Variants in MFNG observed in about 807,000 individuals in gnomAD.
The protein encoded by MFNG is beta-1,3-N-acetylglucosaminyltransferase manic fringe.
A neutral mutation model predicts 34.2 loss-of-function variants in MFNG; 24 were observed. That is an observed-to-expected ratio of 0.70 (90% CI 0.51 to 0.99). The LOEUF is 0.99. Ranked by LOEUF, MFNG falls within the 50% of genes least tolerant of loss-of-function variation. MFNG has a pLI of 0.00. For missense variants in MFNG, 383 were observed against 424.0 expected (o/e 0.90, Z 0.85); for synonymous variants, 158 against 179.2 (o/e 0.88, Z 0.94).
chr22:37,480,218 G>A lies in MFNG; in HGVS notation c.386C>T (p.Thr129Ile). 2 of 1,611,426 alleles carry A rather than the reference G, an allele frequency of 1.2e-6. No individual in the cohort carries two copies. Among genetic ancestry groups the A allele is most frequent in the Non-Finnish European group, 1.7e-6 (2 of 1,177,828 alleles). The change falls in exon 3 of 8, where the codon ACC becomes ATC. Residue 129 changes from threonine (T) to isoleucine (I), a missense_variant. By Grantham distance (89) the Thr-to-Ile change is moderately conservative (BLOSUM62 -1). Coordinates refer to ENST00000356998, the MANE Select transcript of MFNG (RefSeq NM_002405.4). ...LSCKMAAEFD[T>I]FLASGLRWFC... ...TCGCCTAAGCCCACTGGCCAAGAAGGTGTCGAACTCAGCAGCCATCTTGCA... is the reference window on the plus strand; with the variant it reads ...TCGCCTAAGCCCACTGGCCAAGAAGATGTCGAACTCAGCAGCCATCTTGCA...
Position 37,483,575 on chromosome 22 carries a change from G to A in MFNG, c.255+2348C>T, listed in dbSNP as rs1015198079. 1.3e-5 allele frequency among the ~76,000 whole-genome samples: 2 copies of A among 151,630 alleles called. No individual in the cohort carries two copies. Among genetic ancestry groups the A allele is most frequent in the South Asian group, 4.2e-4 (2 of 4,788 alleles). On this transcript the variant is annotated intron_variant, in intron 1 of 7. Transcript: ENST00000356998. The surrounding 1 kb of genome is among the most constrained non-coding windows in gnomAD (Gnocchi z 4.5). ...GCAGGTGGATCATTTGAGGCCAGGA[G>A]TTCAAGACCAGCCTGGCCAACATGG...
At position 37,483,705 on chromosome 22, in the gene MFNG, G is replaced by T. The variant is rs189360377; in HGVS notation, c.255+2218C>A. On this transcript the variant is annotated intron_variant, in intron 1 of 7. Transcript: ENST00000356998. This position sits in a 1 kb window ranked among gnomAD's most constrained non-coding sequence, Gnocchi z 4.5. ...TGAGGATCACTTGAAACCAGGAGGC[G>T]GAGGTTGCAGTGAGCCAGGATCGTG... Among the ~76,000 whole-genome samples the T allele has an allele frequency of 6.6e-6, 1 of 152,042 alleles. No individual in the cohort carries two copies. The highest frequency in any genetic ancestry group is 1.5e-5 in the Non-Finnish European group (1 of 68,024).
Position 37,486,222 on chromosome 22 carries a change from C to CCAGACAGGGAGGGGAAGCTGGT in MFNG, c.-67_-46dup. The CCAGACAGGGAGGGGAAGCTGGT allele has an allele frequency of 4.1e-6, 6 of 1,475,972 alleles. No individual in the cohort carries two copies. Among genetic ancestry groups the CCAGACAGGGAGGGGAAGCTGGT allele is most frequent in the Non-Finnish European group, 5.4e-6 (6 of 1,114,574 alleles). 91.4% of individuals were successfully genotyped at this position (1,475,972 alleles called of 1,614,324 possible). A position where few individuals can be genotyped will look rare whatever the true frequency, so the allele number is the denominator to read the frequency against. ...AGACAGCTCAGCCCCCAAATCCCAA[C>CCAGACAGGGAGGGGAAGCTGGT]CAGACAGGGAGGGGAAGCTGGTCAG... On this transcript the variant is annotated 5_prime_UTR_variant, in exon 1 of 8. An upstream open reading frame in the 5' UTR gains an earlier in-frame stop. Transcript: ENST00000356998.
rs1921714695 is a variant in MFNG, at chr22:37,469,611, A to G, written c.*352T>C. ...GAGACATTAGCCAGGGCCAACGGCC[A>G]GACCCCACCCAGAGGCCATGTCACT... On this transcript the variant is annotated 3_prime_UTR_variant, in exon 8 of 8. Coordinates refer to ENST00000356998, the MANE Select transcript of MFNG (RefSeq NM_002405.4). 1 of 386,234 alleles carries G rather than the reference A, an allele frequency of 2.6e-6. No individual in the cohort carries two copies. The highest frequency in any genetic ancestry group is 3.7e-5 in the Admixed American group (1 of 27,376). The allele number at this position is 386,234 out of a possible 1,614,324, so 23.9% of individuals were successfully genotyped here.
chr22:37,475,828 C>A (rs568136849), intron 5 of MFNG, among the ~76,000 whole-genome samples: 1 of 152,320 alleles, frequency 6.6e-6, no homozygotes, highest in East Asian at 1.9e-4. Context: ...TGGGGGCACC[C>A]CAGGCACACG....
chr22:37,480,279 T>A lies in MFNG; in HGVS notation c.325A>T (p.Asn109Tyr). ...GGGTGGCTGTGTTCCGCGGAGCAGT[T>A]GGTGACCACAAGGTGGGACCCTGGA... is the stretch of plus-strand genomic sequence containing the variant. ...ERLGSHLVVT[N>Y]CSAEHSHPAL... Residue 109 changes from asparagine to tyrosine, a missense_variant, in exon 3 of 8, where the codon AAC becomes TAC. Asn to Tyr is a moderately radical substitution (Grantham distance 143). Coordinates refer to ENST00000356998, the MANE Select transcript of MFNG (RefSeq NM_002405.4). The A allele has an allele frequency of 6.2e-7, 1 of 1,613,780 alleles. No individual in the cohort carries two copies. Among genetic ancestry groups the A allele is most frequent in the Non-Finnish European group, 8.5e-7 (1 of 1,179,714 alleles).
At position 37,474,688 on chromosome 22, in the gene MFNG, G is replaced by C. The variant is rs1248383467; in HGVS notation, c.648-11C>G. 1.3e-6 allele frequency: 2 copies of C among 1,582,984 alleles called. No individual in the cohort carries two copies. The highest frequency in any genetic ancestry group is 2.2e-5 in the East Asian group (1 of 44,476). ...ATGAAACGGGAGCCACTGAGGGACA[G>C]AGCCAGACTGCAGACGCTGGCCCAG... On this transcript the variant is annotated splice_polypyrimidine_tract_variant and intron_variant, in intron 5 of 7. Coordinates refer to ENST00000356998, the MANE Select transcript of MFNG (RefSeq NM_002405.4).
At chr22:37,470,217 A>T (rs1347710744) in intron 7 of MFNG, among the ~76,000 whole-genome samples, 188 bp from the exon 8 acceptor site, 3 of 152,206 alleles carry the variant, frequency 2.0e-5, no homozygotes, top group Admixed American at 2.0e-4. Context: ...ATTTAACAGC[A>T]TTCCTGGGCT....
In MFNG at chr22:37,486,194, C is replaced by T. The variant is rs1319514820; in HGVS notation, c.-17G>A. The T allele has an allele frequency of 1.3e-6, 2 of 1,527,360 alleles. No homozygotes were observed. The highest frequency in any genetic ancestry group is 8.8e-7 in the Non-Finnish European group (1 of 1,136,986). 94.6% of individuals were successfully genotyped at this position (1,527,360 alleles called of 1,614,324 possible). On this transcript the variant is annotated 5_prime_UTR_variant, in exon 1 of 8. Coordinates refer to ENST00000356998, the MANE Select transcript of MFNG (RefSeq NM_002405.4). ...GCACTGCATTGGTTGGCCCTGGGAC[C>T]CCAGACAGCTCAGCCCCCAAATCCC...
chr22:37,486,305 A>C lies in MFNG; in HGVS notation c.-128T>G. The C allele has an allele frequency of 9.0e-7, 1 of 1,113,170 alleles. No individual in the cohort carries two copies. Among genetic ancestry groups the C allele is most frequent in the Admixed American group, 3.1e-5 (1 of 32,780 alleles). The allele number at this position is 1,113,170 out of a possible 1,614,324, so 69.0% of individuals were successfully genotyped here. A position where few individuals can be genotyped will look rare whatever the true frequency, so the allele number is the denominator to read the frequency against. ...GGCATCAGGGGCTGGCAAGGAGGGA[A>C]GAGGTAGGAGCTGAGGCTCTGGACC... is the stretch of plus-strand genomic sequence containing the variant. On this transcript the variant is annotated 5_prime_UTR_variant, in exon 1 of 8. Coordinates refer to ENST00000356998, the MANE Select transcript of MFNG (RefSeq NM_002405.4).
intron 4 of MFNG, 52 bp from the exon 5 acceptor site, chr22:37,477,033 GA>G: frequency 1.3e-6 from 2 of 1,526,196 alleles, no homozygotes; most frequent in South Asian, 1.1e-5. Flanking sequence ...CAGTTGTGGG[GA>G]AAAGGGACAG....
chr22:37,483,257 T>C lies in MFNG; in HGVS notation c.256-2488A>G, dbSNP rs1335120798. Among the ~76,000 whole-genome samples, 1 of 152,092 alleles carries C rather than the reference T, an allele frequency of 6.6e-6. No homozygotes were observed. The highest frequency in any genetic ancestry group is 1.5e-5 in the Non-Finnish European group (1 of 68,024). ...CTTCCCTCCGGCCCACCCGGCCACCTAGTCCCCGCCACTGTCGTCACCTGC... is the reference window on the plus strand; with the variant it reads ...CTTCCCTCCGGCCCACCCGGCCACCCAGTCCCCGCCACTGTCGTCACCTGC... On this transcript the variant is annotated intron_variant, in intron 1 of 7. Transcript: ENST00000356998. The surrounding 1 kb of genome is among the most constrained non-coding windows in gnomAD (Gnocchi z 4.5).
intron 1 of MFNG, 196 bp from the exon 2 acceptor site, chr22:37,480,965 G>C (rs1246704803): frequency 6.6e-6 from 4 of 603,014 alleles, no homozygotes; most frequent in African/African-American, 5.6e-5. Flanking sequence ...ACAACTTCAG[G>C]GTGTACACAG....
intron 1 of MFNG, chr22:37,481,078 C>G (rs1922272791): frequency 2.3e-6 from 1 of 433,334 alleles, no homozygotes; most frequent in African/African-American, 2.0e-5. Context: ...TTCTATCACA[C>G]ACACACACAA....
Position 37,482,724 on chromosome 22 carries a change from A to G in MFNG, c.256-1955T>C, listed in dbSNP as rs1002401748. On this transcript the variant is annotated intron_variant, in intron 1 of 7. Transcript: ENST00000356998. This position sits in a 1 kb window ranked among gnomAD's most constrained non-coding sequence, Gnocchi z 4.1. ...ACCAGACGATGGCATCCTGGAGACCACAGGCTGGGTCCAATTTGTCTCCTT... is the reference window on the plus strand; with the variant it reads ...ACCAGACGATGGCATCCTGGAGACCGCAGGCTGGGTCCAATTTGTCTCCTT... Among the ~76,000 whole-genome samples, 3 of 152,140 alleles carry G rather than the reference A, an allele frequency of 2.0e-5. No homozygotes were observed. Among genetic ancestry groups the G allele is most frequent in the Non-Finnish European group, 4.4e-5 (3 of 68,018 alleles).
Position 37,474,576 on chromosome 22 carries a change from C to G in MFNG, c.749G>C (p.Ser250Thr). ...ECKLGGRLQPSPLFHSHLETL... is the reference protein window; with the variant it reads ...ECKLGGRLQPTPLFHSHLETL... ...CTCCAGGTGGGAGTGAAAGAGGGGG[C>G]TGGGCTGCAGGCGGCCGCCCAGCTT... Residue 250 changes from serine to threonine, a missense_variant, in exon 6 of 8, where the codon AGC (serine) becomes ACC (threonine). By Grantham distance (58) the Ser-to-Thr change is moderately conservative (BLOSUM62 1). Transcript: ENST00000356998. 6.2e-7 allele frequency: 1 copy of G among 1,614,164 alleles called. No individual in the cohort carries two copies. The highest frequency in any genetic ancestry group is 8.5e-7 in the Non-Finnish European group (1 of 1,180,018).
Position 37,481,026 on chromosome 22 carries a change from G to T in MFNG, c.256-257C>A, listed in dbSNP as rs1223728426. On this transcript the variant is annotated intron_variant, in intron 1 of 7. Transcript: ENST00000356998. ...CCCCCTTTCCAGAGCAGCACCACAG[G>T]GACCCAACCACAGCCACACACCTGG... 6.0e-6 allele frequency: 3 copies of T among 503,374 alleles called. 1 individual carries two copies. Among genetic ancestry groups the T allele is most frequent in the East Asian group, 6.8e-5 (2 of 29,344 alleles). The allele number at this position is 503,374 out of a possible 1,614,324, so 31.2% of individuals were successfully genotyped here.
rs1281613198 is a variant in MFNG, at chr22:37,482,980, G to A, written c.256-2211C>T. 6.6e-6 allele frequency among the ~76,000 whole-genome samples: 1 copy of A among 152,136 alleles called. No homozygotes were observed. Among genetic ancestry groups the A allele is most frequent in the Non-Finnish European group, 1.5e-5 (1 of 68,032 alleles). The stretch of plus-strand genomic sequence containing the variant: ...AGCTTTAAACACCATCAGGGAGCTG[G>A]AGACTCGTGGACACCACCAGCCCTA... On this transcript the variant is annotated intron_variant, in intron 1 of 7. Transcript: ENST00000356998. The surrounding 1 kb of genome is among the most constrained non-coding windows in gnomAD (Gnocchi z 4.1).
rs142031748 is a variant in MFNG at position 37,482,460 on chromosome 22, TACACAC to T, written c.256-1697_256-1692del. ...ACACACACGCACACACACGCACGCA[TACACAC>T]ACACACACACACACGCACGTGCGCA... On this transcript the variant is annotated intron_variant, in intron 1 of 7. Transcript: ENST00000356998. The surrounding 1 kb of genome is among the most constrained non-coding windows in gnomAD (Gnocchi z 4.1). Among the ~76,000 whole-genome samples the T allele has an allele frequency of 6.7e-6, 1 of 148,622 alleles. No individual in the cohort carries two copies. The highest frequency in any genetic ancestry group is 2.5e-5 in the African/African-American group (1 of 40,576).
Sources: allele counts gnomAD v4.1 joint callset (sites outside exome capture counted in the v4.1 genomes callset), GRCh38; gene constraint gnomAD v4.1.1; non-coding constraint Gnocchi (gnomAD v3.1); transcripts MANE v1.5; gene names NCBI Gene and HGNC (gene_info 2026-07-23, HGNC 2026-07-21).